The following GLI2 variants were observed in gnomAD, a reference collection of about 807,000 sequenced individuals.
The protein encoded by GLI2 is transcription activator GLI2.
GLI2 carries 22 observed loss-of-function variants against 78.9 expected under a neutral mutation model. That is an observed-to-expected ratio of 0.28 (90% CI 0.20 to 0.40). The LOEUF is 0.40. GLI2 is among the 10% of genes least tolerant of loss of function. The pLI, the probability that GLI2 is intolerant of heterozygous loss-of-function variation, is 1.00. For missense variants in GLI2, 2,097 were observed against 2,213.2 expected, an observed-to-expected ratio of 0.95 and a Z score of 1.05; for synonymous variants, 974 against 963.7, an observed-to-expected ratio of 1.01 and a Z score of -0.20.
At chr2:120,758,682 A>G (rs141818571) in intron 1 of GLI2, among the ~76,000 whole-genome samples, 1 of 152,362 alleles carries the variant, frequency 6.6e-6, no homozygotes, top group East Asian at 1.9e-4. Flanking sequence ...GGGTGGCTGT[A>G]AATCATCCAG....
chr2:120,905,536 A>T (rs548610254), intron 2 of GLI2, among the ~76,000 whole-genome samples: 2 of 152,310 alleles, frequency 1.3e-5, no homozygotes, highest in African/African-American at 4.8e-5. Flanking sequence ...AGGATTAGGA[A>T]GCTAAAGCCC....
At chr2:120,937,306 T>A (rs1680244637) in intron 3 of GLI2, among the ~76,000 whole-genome samples, 1 of 152,140 alleles carries the variant, frequency 6.6e-6, no homozygotes, top group African/African-American at 2.4e-5. Context: ...ATGCATAGAT[T>A]TTGTAGCAGT....
chr2:120,939,558 C>A (rs1285626345), intron 3 of GLI2, among the ~76,000 whole-genome samples: 1 of 152,318 alleles, frequency 6.6e-6, no homozygotes, highest in East Asian at 1.9e-4. Flanking sequence ...TACATGGAAT[C>A]ATTGCAGAGG....
At chr2:120,875,818 G>T (rs1172198890) in intron 2 of GLI2, among the ~76,000 whole-genome samples, 2 of 151,926 alleles carry the variant, frequency 1.3e-5, no homozygotes, top group African/African-American at 2.4e-5. Flanking sequence ...GAGGTGGGGG[G>T]GCTGGCCTAC....
At chr2:120,928,876 C>A (rs1679817046) in intron 3 of GLI2, among the ~76,000 whole-genome samples, 1 of 152,206 alleles carries the variant, frequency 6.6e-6, no homozygotes, top group Non-Finnish European at 1.5e-5. Context: ...TCTTACATAA[C>A]CCAAGACTGA....
rs181072871 is a variant in GLI2 at position 120,836,846 on chromosome 2, T to C, written c.148+39378T>C. 8.5e-5 allele frequency among the ~76,000 whole-genome samples: 13 copies of C among 152,356 alleles called. No homozygotes were observed. In the South Asian group the frequency reaches 1.9e-3, roughly 22 times the overall value. ...TACACACTTGTAGCTTTGTTAGATA[T>C]TGCCAAATTGCTCTCCAAAGTGGCT... On this transcript the variant is annotated intron_variant, in intron 2 of 13. Coordinates refer to ENST00000361492, the MANE Select transcript of GLI2 (RefSeq NM_001374353.1).
chr2:120,762,368 C>T lies in GLI2; in HGVS notation c.-31+26083C>T, dbSNP rs556551538. Among the ~76,000 whole-genome samples, 10 of 152,312 alleles carry T rather than the reference C, an allele frequency of 6.6e-5. No homozygotes were observed. In the South Asian group the frequency reaches 1.9e-3, roughly 28 times the overall value. ...CAGAGATGAAAAAACGGAGGTGCCA[C>T]ATCCTTAAGGTTCCCATCTGGGACC... is the stretch of plus-strand genomic sequence containing the variant. On this transcript the variant is annotated intron_variant, in intron 1 of 13. Transcript: ENST00000361492.
At chr2:120,936,609 G>A (rs939765159) in intron 3 of GLI2, among the ~76,000 whole-genome samples, 2 of 152,230 alleles carry the variant, frequency 1.3e-5, no homozygotes, top group African/African-American at 4.8e-5. Context: ...CAGGGCTGCA[G>A]TGTGTTGTTT....
At chr2:120,893,595 G>A (rs944264805) in intron 2 of GLI2, among the ~76,000 whole-genome samples, 1 of 151,600 alleles carries the variant, frequency 6.6e-6, no homozygotes, top group African/African-American at 2.4e-5. Context: ...TGAGTGAACA[G>A]GGTTGGTGGC....
intron 2 of GLI2, among the ~76,000 whole-genome samples, chr2:120,832,496 G>T (rs1330108114): frequency 6.6e-6 from 1 of 152,034 alleles, no homozygotes; most frequent in Non-Finnish European, 1.5e-5. Flanking sequence ...CCTGTGTGGC[G>T]GAGAACTCTA....
chr2:120,828,847 G>A (rs565033170), intron 2 of GLI2, among the ~76,000 whole-genome samples: 64 of 120,296 alleles, frequency 5.3e-4, no homozygotes, highest in African/African-American at 2.0e-3. Context: ...TGCTGAGGCC[G>A]TGACTTCCAA....
intron 1 of GLI2, among the ~76,000 whole-genome samples, chr2:120,795,669 C>A (rs1008622056): frequency 6.6e-6 from 1 of 152,202 alleles, no homozygotes; most frequent in Non-Finnish European, 1.5e-5. Context: ...TCTGCAGGAC[C>A]TTCACACAGC....
At chr2:120,773,053 C>T (rs1280458783) in intron 1 of GLI2, among the ~76,000 whole-genome samples, 1 of 152,210 alleles carries the variant, frequency 6.6e-6, no homozygotes, top group Non-Finnish European at 1.5e-5. Context: ...GATTACTTAA[C>T]CAGCCCCTTA....
rs751984129 is a variant in GLI2, at chr2:120,951,402, G to A, written c.414G>A (p.Thr138=). ...TCCGTTCTGTGCACAGCAGCCCCAC[G>A]CTCTCCATGATCTCTGCAGCCAGGG... The part of the protein sequence containing the change: ...HYLRSVHSSP[T]LSMISAARGL... The change falls in exon 4 of 14, where the codon ACG becomes ACA. Residue 138 remains threonine (T), a synonymous_variant. Coordinates refer to ENST00000361492, the MANE Select transcript of GLI2 (RefSeq NM_001374353.1). The A allele has an allele frequency of 1.2e-5, 20 of 1,613,374 alleles. No individual in the cohort carries two copies. Among genetic ancestry groups the A allele is most frequent in the South Asian group, 5.5e-5 (5 of 91,070 alleles).
intron 2 of GLI2, among the ~76,000 whole-genome samples, chr2:120,860,904 T>C (rs953893262): frequency 3.3e-5 from 5 of 152,184 alleles, no homozygotes; most frequent in African/African-American, 7.2e-5. Flanking sequence ...CCAGGGTTAA[T>C]GTACCTGGCC....
chr2:120,780,847 C>T (rs1683824709), intron 1 of GLI2, among the ~76,000 whole-genome samples: 1 of 152,196 alleles, frequency 6.6e-6, no homozygotes, highest in Admixed American at 6.5e-5. Flanking sequence ...TGGAGGCTTT[C>T]TGTCGTATTT....
At chr2:120,893,892 G>A (rs1325122237) in intron 2 of GLI2, among the ~76,000 whole-genome samples, 1 of 152,116 alleles carries the variant, frequency 6.6e-6, no homozygotes, top group Admixed American at 6.5e-5. Context: ...TGTTTATTTT[G>A]CATAAACCCG....
At chr2:120,970,270 A>G (rs1682074701) in intron 6 of GLI2, 123 bp from the exon 7 acceptor site, 2 of 655,098 alleles carry the variant, frequency 3.1e-6, no homozygotes, top group Non-Finnish European at 5.6e-6. Flanking sequence ...AGCCACGGTG[A>G]TGGTGGGGCT....
chr2:120,928,728 G>T (rs1679811108), intron 3 of GLI2, among the ~76,000 whole-genome samples: 1 of 152,154 alleles, frequency 6.6e-6, no homozygotes, highest in South Asian at 2.1e-4. Flanking sequence ...GAGCAAACCT[G>T]GGACTTCTAC....
Sources: allele counts gnomAD v4.1 joint callset (sites outside exome capture counted in the v4.1 genomes callset), GRCh38; gene constraint gnomAD v4.1.1; transcripts MANE v1.5; gene names NCBI Gene and HGNC (gene_info 2026-07-23, HGNC 2026-07-21).